Variants in TTN observed in about 807,000 individuals in gnomAD.
TTN encodes the protein titin.
A neutral mutation model predicts 3,223.0 loss-of-function variants in TTN; 1,525 were observed. The ratio of observed to expected loss-of-function variants is 0.47; its 90% CI spans 0.45 to 0.49. The LOEUF is 0.49. Ranked by LOEUF, TTN falls within the 20% of genes least tolerant of loss-of-function variation. The pLI is 0.00. For missense variants in TTN, 40,786 were observed against 43,424.0 expected, an observed-to-expected ratio of 0.94 and a Z score of 5.40; for synonymous variants, 14,094 against 15,161.0, an observed-to-expected ratio of 0.93 and a Z score of 5.17.
At position 178,781,161 on chromosome 2, in the gene TTN, C is replaced by T. The variant is rs572916127; in HGVS notation, c.3483G>A (p.Lys1161=). The stretch of plus-strand genomic sequence containing the variant: ...AAGCAGATGCAGAAGTTTCTCCATG[C>T]TTATTGCGAACAACAATAGTGTATT... ...AGEYTIVVRN[K]HGETSASASL... is the part of the protein sequence containing the mutation. The change falls in exon 21 of 363, where the codon AAG becomes AAA. Residue 1161 remains lysine (K), a synonymous_variant. Coordinates refer to ENST00000589042, the MANE Select transcript of TTN (RefSeq NM_001267550.2). 3 of 1,614,062 alleles carry T rather than the reference C, an allele frequency of 1.9e-6. No homozygotes were observed. The South Asian group carries it at 3.3e-5, about 18-fold the overall frequency.
Position 178,779,136 on chromosome 2 carries a change from C to G in TTN, c.3964-18G>C. On this transcript the variant is annotated intron_variant, in intron 23 of 362. Transcript: ENST00000589042. The stretch of plus-strand genomic sequence containing the variant: ...CAAGCAATCTGCAAAGAATACCATG[C>G]ATGTATGAATAAAATTTACATCAAA... 6.2e-7 allele frequency: 1 copy of G among 1,613,374 alleles called. No homozygotes were observed. Among genetic ancestry groups the G allele is most frequent in the Non-Finnish European group, 8.5e-7 (1 of 1,179,816 alleles).
intron 13 of TTN, among the ~76,000 whole-genome samples, chr2:178,788,549 T>G (rs933224776): frequency 2.6e-5 from 4 of 152,050 alleles, no homozygotes; most frequent in African/African-American, 4.8e-5. Flanking sequence ...AAAATGACAC[T>G]GAGGGAAATA....
intron 2 of TTN, among the ~76,000 whole-genome samples, chr2:178,804,114 T>C (rs2094198690): frequency 6.6e-6 from 1 of 152,202 alleles, no homozygotes; most frequent in South Asian, 2.1e-4. Context: ...AGATGCACTG[T>C]TATTTTGCGT....
rs372834784 is a variant in TTN, at chr2:178,570,429, T to G, written c.75703A>C (p.Ser25235Arg). 1.1e-5 allele frequency: 18 copies of G among 1,613,038 alleles called. No homozygotes were observed. The highest frequency in any genetic ancestry group is 1.0e-5 in the Non-Finnish European group (12 of 1,179,556). ...TCCACAATATAATTTATGATGTCAC[T>G]CCCACCATCCTGAAGTGGGGGTTTC... is the stretch of plus-strand genomic sequence containing the variant. ...AWKPPLQDGG[S>R]DIINYIVERR... The change falls in exon 326 of 363, where the codon AGT becomes CGT. Residue 25235 changes from serine (S) to arginine (R), a missense_variant. Physicochemically the swap from Ser to Arg is moderately radical, Grantham distance 110. Coordinates refer to ENST00000589042, the MANE Select transcript of TTN (RefSeq NM_001267550.2).
Position 178,671,773 on chromosome 2 carries a change from A to G in TTN, c.35227+198T>C, listed in dbSNP as rs534673389. ...TACAGTGACCTCCTTAGATAAGTAGATATCAAATATTACTATCATCTACTA... is the reference window on the plus strand; with the variant it reads ...TACAGTGACCTCCTTAGATAAGTAGGTATCAAATATTACTATCATCTACTA... On this transcript the variant is annotated intron_variant, in intron 155 of 362. Coordinates refer to ENST00000589042, the MANE Select transcript of TTN (RefSeq NM_001267550.2). Among the ~76,000 whole-genome samples, 28 of 151,934 alleles carry G rather than the reference A, an allele frequency of 1.8e-4. 1 individual carries two copies. Among genetic ancestry groups the G allele is most frequent in the Admixed American group, 5.3e-4 (8 of 15,226 alleles).
At chr2:178,748,527 T>C in intron 47 of TTN, 1 of 1,613,086 alleles carries the variant, frequency 6.2e-7, no homozygotes, top group Non-Finnish European at 8.5e-7. Context: ...GGATCTCCTA[T>C]ATGAGAATAC....
At chr2:178,660,848 TCAA>T (rs2064614184) in intron 180 of TTN, among the ~76,000 whole-genome samples, 1 of 137,048 alleles carries the variant, frequency 7.3e-6, no homozygotes, top group Non-Finnish European at 1.6e-5. Context: ...AACAACCCCA[TCAA>T]CAAGTGGGCG....
Position 178,779,995 on chromosome 2 carries a change from C to T in TTN, c.3729+5G>A, listed in dbSNP as rs2092620965. On this transcript the variant is annotated splice_donor_5th_base_variant and intron_variant, in intron 22 of 362. Coordinates refer to ENST00000589042, the MANE Select transcript of TTN (RefSeq NM_001267550.2). ...TGTTTGGTTGGTCATTACTTTTATACTCACCTGATCTTCTACATAAGTTCT... is the reference window on the plus strand; with the variant it reads ...TGTTTGGTTGGTCATTACTTTTATATTCACCTGATCTTCTACATAAGTTCT... The T allele has an allele frequency of 6.2e-7, 1 of 1,611,130 alleles. No homozygotes were observed. The highest frequency in any genetic ancestry group is 2.2e-5 in the East Asian group (1 of 44,800).
At chr2:178,684,270 G>GT in intron 132 of TTN, 60 bp downstream of exon 132, 1 of 1,552,480 alleles carries the variant, frequency 6.4e-7, no homozygotes, top group Non-Finnish European at 8.8e-7. Context: ...CATAACCAGT[G>GT]TATTTGGTAA....
At position 178,581,814 on chromosome 2, in the gene TTN, A is replaced by G. The variant is rs772425172; in HGVS notation, c.66464-10T>C. 1 of 1,593,948 alleles carries G rather than the reference A, an allele frequency of 6.3e-7. No homozygotes were observed. Among genetic ancestry groups the G allele is most frequent in the African/African-American group, 1.4e-5 (1 of 73,778 alleles). ...GGTGGGCCAGGAGGATCTGAGAATA[A>G]ATAATGATAGGAAATTTTCATGAAA... On this transcript the variant is annotated splice_polypyrimidine_tract_variant and intron_variant, in intron 315 of 362. Transcript: ENST00000589042.
chr2:178,751,339 A>G (rs776917307), intron 47 of TTN: 6 of 1,609,708 alleles, frequency 3.7e-6, no homozygotes, highest in Non-Finnish European at 4.2e-6. Flanking sequence ...CACCTACATT[A>G]AGCCAACCTC....
In TTN at chr2:178,594,632, G is replaced by C. The variant is rs1490097960; in HGVS notation, c.57862C>G (p.Pro19288Ala). The change falls in exon 296 of 363, where the codon CCT (proline) becomes GCT (alanine). Residue 19288 changes from proline to alanine, a missense_variant. Transcript: ENST00000589042. ...ACTTCTTTGACTTCCAGGTCTTCAG[G>C]ACGCTCTGGTACAGCTGCGAATATA... ...IREPITVPER[P>A]EDLEVKEVTK... is the part of the protein sequence containing the mutation. 6.2e-7 allele frequency: 1 copy of C among 1,609,434 alleles called. No homozygotes were observed. The highest frequency in any genetic ancestry group is 8.5e-7 in the Non-Finnish European group (1 of 1,177,260).
intron 40 of TTN, among the ~76,000 whole-genome samples, chr2:178,767,370 C>T (rs2090651051): frequency 6.6e-6 from 1 of 152,240 alleles, no homozygotes; most frequent in Admixed American, 6.5e-5. Flanking sequence ...TTCCTTGACA[C>T]TTGCCTCTCC....
intron 147 of TTN, 146 bp from the exon 148 acceptor site, chr2:178,676,141 T>A: frequency 1.5e-6 from 1 of 664,860 alleles, no homozygotes; most frequent in Non-Finnish European, 2.5e-6. Context: ...GATATTATAA[T>A]GTAATTGGGA....
At chr2:178,749,529 C>G (rs764064143) in intron 47 of TTN, 1 of 1,612,912 alleles carries the variant, frequency 6.2e-7, no homozygotes. Context: ...AAGGGACCAG[C>G]TGGATAATCA....
Position 178,568,637 on chromosome 2 carries a change from G to T in TTN, c.77495C>A (p.Thr25832Asn), listed in dbSNP as rs1706884873. Residue 25832 changes from threonine (T) to asparagine (N), a missense_variant, in exon 326 of 363, where the codon ACT (threonine) becomes AAT (asparagine). Transcript: ENST00000589042. ...SGRPKPTITW[T>N]KDGLPLKQTT... ...CTGCTTCAGTGGGAGACCATCTTTA[G>T]TCCAGGTAATGGTTGGCTTAGGACG... 1 of 1,613,286 alleles carries T rather than the reference G, an allele frequency of 6.2e-7. No homozygotes were observed. The highest frequency in any genetic ancestry group is 1.7e-5 in the Admixed American group (1 of 59,954).
intron 278 of TTN, 71 bp downstream of exon 278, chr2:178,606,950 T>A (rs748803734): frequency 9.1e-6 from 14 of 1,534,012 alleles, no homozygotes; most frequent in Admixed American, 2.4e-5. Context: ...TTTGAAGCCA[T>A]AAAGCTCAGT....
chr2:178,761,437 C>T (rs907181256), intron 43 of TTN, among the ~76,000 whole-genome samples: 1 of 152,190 alleles, frequency 6.6e-6, no homozygotes, highest in Admixed American at 6.5e-5. Flanking sequence ...AGCCTTCTTA[C>T]CCACTCATGA....
chr2:178,720,887 G>A, intron 79 of TTN, 34 bp downstream of exon 79: 1 of 1,540,150 alleles, frequency 6.5e-7, no homozygotes, highest in South Asian at 1.3e-5. Flanking sequence ...AATCAGAGGA[G>A]AATAAAGAAA....
Sources: allele counts gnomAD v4.1 joint callset (sites outside exome capture counted in the v4.1 genomes callset), GRCh38; gene constraint gnomAD v4.1.1; transcripts MANE v1.5; gene names NCBI Gene and HGNC (gene_info 2026-07-23, HGNC 2026-07-21).